ALPK1: variants seen among roughly 807,000 people sequenced by gnomAD.
ALPK1 encodes the protein alpha-protein kinase 1.
Under a neutral mutation model 120.6 loss-of-function variants are expected in ALPK1, and 110 were observed. The observed-to-expected ratio is 0.91, with a 90% confidence interval of 0.78 to 1.07. The LOEUF is 1.07. Among genes scored for constraint, ALPK1 ranks in the 50% least tolerant of loss-of-function variants. The probability of loss-of-function intolerance (pLI) is 0.00; values close to 1 mark genes in which losing one functional copy is unlikely to be tolerated. For synonymous variants in ALPK1, 582 were observed against 560.3 expected (o/e 1.04, Z -0.55); for missense variants, 1,498 against 1,483.9 (o/e 1.01, Z -0.16).
intron 4 of ALPK1, among the ~76,000 whole-genome samples, chr4:112,410,280 C>G (rs893357471): frequency 2.6e-5 from 4 of 152,202 alleles, no homozygotes; most frequent in African/African-American, 4.8e-5. Flanking sequence ...CATGTAGGAT[C>G]TGGATTTGGA....
At chr4:112,307,217 T>C (rs940311106) in intron 1 of ALPK1, among the ~76,000 whole-genome samples, 73 of 152,240 alleles carry the variant, frequency 4.8e-4, no homozygotes, top group African/African-American at 1.4e-3. Flanking sequence ...CTGAGAAGAA[T>C]GTATATTCTG....
chr4:112,389,996 A>G lies in ALPK1; in HGVS notation c.276+7444A>G, dbSNP rs1213972055. Among the ~76,000 whole-genome samples, 4 of 152,236 alleles carry G rather than the reference A, an allele frequency of 2.6e-5. No homozygotes were observed. In the East Asian group the frequency reaches 7.7e-4, roughly 29 times the overall value. ...GCTATATCTCACCTGGGCTCCTGCC[A>G]TTGCTTCCTGAATAGCCTCACACAT... On this transcript the variant is annotated intron_variant, in intron 4 of 15. Transcript: ENST00000650871.
intron 1 of ALPK1, among the ~76,000 whole-genome samples, chr4:112,305,055 G>T (rs1396578970): frequency 2.6e-5 from 4 of 152,032 alleles, no homozygotes; most frequent in Non-Finnish European, 5.9e-5. Flanking sequence ...AGATCAGATG[G>T]TTGTAGAGGT....
intron 2 of ALPK1, among the ~76,000 whole-genome samples, chr4:112,334,348 G>A (rs548298761): frequency 9.9e-5 from 15 of 151,234 alleles, no homozygotes; most frequent in Admixed American, 4.6e-4. Flanking sequence ...CATAAGAATC[G>A]CTTGAACCTG....
At chr4:112,341,730 T>G (rs901618436) in intron 2 of ALPK1, among the ~76,000 whole-genome samples, 9 of 152,172 alleles carry the variant, frequency 5.9e-5, no homozygotes, top group Non-Finnish European at 1.2e-4. Flanking sequence ...AAACAACAGG[T>G]GCTTTTGTTT....
chr4:112,418,655 C>T (rs1215988948), intron 5 of ALPK1, among the ~76,000 whole-genome samples: 1 of 152,086 alleles, frequency 6.6e-6, no homozygotes, highest in African/African-American at 2.4e-5. Flanking sequence ...TGCCAGCTGA[C>T]AAAGGAGAAA....
At chr4:112,362,677 GA>G (rs1204931469) in intron 2 of ALPK1, among the ~76,000 whole-genome samples, 10 of 152,310 alleles carry the variant, frequency 6.6e-5, no homozygotes, top group African/African-American at 2.4e-4. Context: ...GAATAATCAA[GA>G]AAAAGTTCCC....
At chr4:112,412,547 T>C (rs1220553202) in intron 5 of ALPK1, 1 of 433,592 alleles carries the variant, frequency 2.3e-6, no homozygotes, top group African/African-American at 2.1e-5. Context: ...TCCTGTCACT[T>C]TGAATGAAAT....
At chr4:112,334,853 G>A (rs917994934) in intron 2 of ALPK1, among the ~76,000 whole-genome samples, 7 of 152,196 alleles carry the variant, frequency 4.6e-5, no homozygotes, top group Admixed American at 2.0e-4. Context: ...TATGATCATT[G>A]TTGCCCATAT....
chr4:112,346,986 T>C (rs1730129142), intron 2 of ALPK1, among the ~76,000 whole-genome samples: 1 of 152,198 alleles, frequency 6.6e-6, no homozygotes, highest in African/African-American at 2.4e-5. Context: ...CAATCACCAC[T>C]TAGACCTCAT....
At chr4:112,397,906 T>G (rs146734723) in intron 4 of ALPK1, among the ~76,000 whole-genome samples, 27 of 152,330 alleles carry the variant, frequency 1.8e-4, no homozygotes, top group African/African-American at 6.5e-4. Context: ...TCTGTACTGA[T>G]AAAACATTAC....
chr4:112,386,176 G>A (rs1462741407), intron 4 of ALPK1, among the ~76,000 whole-genome samples: 1 of 152,154 alleles, frequency 6.6e-6, no homozygotes, highest in Non-Finnish European at 1.5e-5. Context: ...GGTCTCCACT[G>A]TGTTCCCATT....
At chr4:112,417,345 T>G (rs1033585406) in intron 5 of ALPK1, among the ~76,000 whole-genome samples, 1 of 152,138 alleles carries the variant, frequency 6.6e-6, no homozygotes, top group African/African-American at 2.4e-5. Context: ...AAAAGGAAAT[T>G]ATATGGCAAT....
Position 112,441,241 on chromosome 4 carries a change from G to C in ALPK1, c.*31G>C. The C allele has an allele frequency of 7.0e-7, 1 of 1,435,790 alleles. No homozygotes were observed. Among genetic ancestry groups the C allele is most frequent in the South Asian group, 1.1e-5 (1 of 87,574 alleles). The allele number at this position is 1,435,790 out of a possible 1,614,324, so 88.9% of individuals were successfully genotyped here. On this transcript the variant is annotated 3_prime_UTR_variant, in exon 16 of 16. Transcript: ENST00000650871. ...GGCACAGTCTGGTCCTTTGGGGCTT[G>C]GGCAGGGCCGTGACACAGGTTCTGG...
At chr4:112,383,279 G>T (rs1040183552) in intron 4 of ALPK1, 2 of 149,368 alleles carry the variant, frequency 1.3e-5, no homozygotes, top group Non-Finnish European at 3.0e-5. Flanking sequence ...AAGAAAGCTT[G>T]CTAATTTATA....
Position 112,442,528 on chromosome 4 carries a change from C to A in ALPK1, c.*1318C>A, listed in dbSNP as rs993883114. On this transcript the variant is annotated 3_prime_UTR_variant, in exon 16 of 16. Transcript: ENST00000650871. ...TAACTAATGGGTACTAGGCTGAATA[C>A]CTGGGTGATGAAGTAATTCGCACAA... 4 of 151,798 alleles carry A rather than the reference C, an allele frequency of 2.6e-5. No individual in the cohort carries two copies. The highest frequency in any genetic ancestry group is 9.7e-5 in the African/African-American group (4 of 41,288). 9.4% of individuals were successfully genotyped at this position (151,798 alleles called of 1,614,324 possible). A position where few individuals can be genotyped will look rare whatever the true frequency, so the allele number is the denominator to read the frequency against.
chr4:112,341,437 C>T (rs933503573), intron 2 of ALPK1, among the ~76,000 whole-genome samples: 2 of 152,198 alleles, frequency 1.3e-5, no homozygotes, highest in African/African-American at 4.8e-5. Flanking sequence ...CCTTAACTTC[C>T]ATTTTATTTG....
intron 2 of ALPK1, among the ~76,000 whole-genome samples, chr4:112,361,723 A>G (rs1730920193): frequency 6.6e-6 from 1 of 152,222 alleles, no homozygotes; most frequent in Non-Finnish European, 1.5e-5. Context: ...TATCCTCCCT[A>G]TACAACCACA....
At chr4:112,417,624 TACAGGCA>T (rs775217547) in intron 5 of ALPK1, among the ~76,000 whole-genome samples, 1 of 152,154 alleles carries the variant, frequency 6.6e-6, no homozygotes, top group Non-Finnish European at 1.5e-5. Context: ...TAGCTGGGAC[TACAGGCA>T]TGTGCCACCA....
Sources: allele counts gnomAD v4.1 joint callset (sites outside exome capture counted in the v4.1 genomes callset), GRCh38; gene constraint gnomAD v4.1.1; transcripts MANE v1.5; gene names NCBI Gene and HGNC (gene_info 2026-07-23, HGNC 2026-07-21).